Variants in CNTN3 observed in about 807,000 individuals in gnomAD.
The protein encoded by CNTN3 is contactin 3.
In CNTN3, 60 loss-of-function variants were observed where a neutral mutation model predicts 119.1. The observed-to-expected ratio is 0.50, with a 90% confidence interval of 0.41 to 0.62. The LOEUF (loss-of-function observed/expected upper bound fraction) is 0.62, where lower values mean the gene tolerates loss of function less well. Among genes scored for constraint, CNTN3 ranks in the 20% least tolerant of loss-of-function variants. The pLI is 0.00. For missense variants in CNTN3, 1,101 were observed against 1,242.4 expected, an observed-to-expected ratio of 0.89 and a Z score of 1.71; for synonymous variants, 450 against 438.7, an observed-to-expected ratio of 1.03 and a Z score of -0.32.
chr3:74,504,204 A>G (rs1461078013), intron 2 of CNTN3, among the ~76,000 whole-genome samples: 1 of 152,190 alleles, frequency 6.6e-6, no homozygotes. Flanking sequence ...TCATATCTAC[A>G]TGGAAAACAA....
At chr3:74,543,098 C>T (rs1703864381) in intron 1 of CNTN3, among the ~76,000 whole-genome samples, 2 of 151,912 alleles carry the variant, frequency 1.3e-5, no homozygotes, top group African/African-American at 4.8e-5. Flanking sequence ...CCACTGCACT[C>T]CACCCTGGGC....
chr3:74,366,259 G>A (rs991550071), intron 8 of CNTN3, among the ~76,000 whole-genome samples: 3 of 152,090 alleles, frequency 2.0e-5, no homozygotes, highest in African/African-American at 7.2e-5. Flanking sequence ...ATCAAAGCAG[G>A]AAAAGATGGA....
At chr3:74,581,389 A>G (rs1704503092) in intron 1 of CNTN3, among the ~76,000 whole-genome samples, 1 of 152,228 alleles carries the variant, frequency 6.6e-6, no homozygotes, top group African/African-American at 2.4e-5. Flanking sequence ...ATTAGCATAT[A>G]AAAACATCAC....
In CNTN3 at chr3:74,362,831, T is replaced by G. The variant is rs146881916; in HGVS notation, c.1214-791A>C. On this transcript the variant is annotated intron_variant, in intron 10 of 22. Coordinates refer to ENST00000263665, the MANE Select transcript of CNTN3 (RefSeq NM_020872.3). ...CAAATCCAAGTGAATACAATTTATT[T>G]ATTTGATTAGTGGAAATCTTAGAGT... Among the ~76,000 whole-genome samples the G allele has an allele frequency of 4.6e-3, 699 of 152,338 alleles. 2 individuals carry two copies. The highest frequency in any genetic ancestry group is 0.016 in the African/African-American group (682 of 41,582).
At chr3:74,495,190 C>G (rs916200663) in intron 3 of CNTN3, among the ~76,000 whole-genome samples, 1 of 151,990 alleles carries the variant, frequency 6.6e-6, no homozygotes, top group Admixed American at 6.6e-5. Context: ...ACACAGAGAT[C>G]TGGACTTATA....
chr3:74,495,638 ATT>A (rs1703048285), intron 3 of CNTN3, among the ~76,000 whole-genome samples: 1 of 152,018 alleles, frequency 6.6e-6, no homozygotes, highest in African/African-American at 2.4e-5. Flanking sequence ...TTAGCACATT[ATT>A]TTATTTTCCC....
intron 1 of CNTN3, among the ~76,000 whole-genome samples, chr3:74,606,952 C>T (rs1705002670): frequency 6.6e-6 from 1 of 152,042 alleles, no homozygotes; most frequent in Admixed American, 6.6e-5. Context: ...CTCCATATTA[C>T]ATATGAAGAA....
At chr3:74,333,525 G>A (rs1703318345) in intron 13 of CNTN3, among the ~76,000 whole-genome samples, 1 of 152,138 alleles carries the variant, frequency 6.6e-6, no homozygotes, top group Non-Finnish European at 1.5e-5. Context: ...GCTTCACATG[G>A]CATTCTCCTC....
chr3:74,605,578 C>T (rs940324700), intron 1 of CNTN3, among the ~76,000 whole-genome samples: 5 of 152,102 alleles, frequency 3.3e-5, no homozygotes, highest in Admixed American at 6.6e-5. Flanking sequence ...CGGAGCCATT[C>T]GAGTAACATA....
At chr3:74,576,540 A>G (rs1240807046) in intron 1 of CNTN3, among the ~76,000 whole-genome samples, 1 of 152,194 alleles carries the variant, frequency 6.6e-6, no homozygotes, top group East Asian at 1.9e-4. Context: ...TTGAAATTAC[A>G]TTAATCATTT....
chr3:74,371,930 T>C (rs1462960331), intron 5 of CNTN3, among the ~76,000 whole-genome samples: 3 of 152,092 alleles, frequency 2.0e-5, no homozygotes, highest in African/African-American at 4.8e-5. Context: ...ACTCCTGTTG[T>C]CTCTGTCCTG....
At chr3:74,552,474 T>C (rs1704006338) in intron 1 of CNTN3, among the ~76,000 whole-genome samples, 1 of 152,204 alleles carries the variant, frequency 6.6e-6, no homozygotes, top group African/African-American at 2.4e-5. Flanking sequence ...GTGACCTGTG[T>C]TTTGGATTGT....
chr3:74,489,390 T>C (rs991586490), intron 3 of CNTN3, among the ~76,000 whole-genome samples: 1 of 151,928 alleles, frequency 6.6e-6, no homozygotes, highest in African/African-American at 2.4e-5. Flanking sequence ...TAGAAAGCCC[T>C]TCCCTCCCTC....
intron 5 of CNTN3, among the ~76,000 whole-genome samples, chr3:74,409,259 T>G (rs923769030): frequency 1.3e-5 from 2 of 152,096 alleles, no homozygotes; most frequent in African/African-American, 4.8e-5. Flanking sequence ...ACACAACTGG[T>G]TACACAGATA....
In CNTN3 at chr3:74,440,019, T is replaced by A. The variant is rs192684840; in HGVS notation, c.359-15079A>T. 9.2e-5 allele frequency among the ~76,000 whole-genome samples: 14 copies of A among 152,322 alleles called. No individual in the cohort carries two copies. The East Asian group carries it at 1.5e-3, about 17-fold the overall frequency. On this transcript the variant is annotated intron_variant, in intron 4 of 22. Transcript: ENST00000263665. ...TTGATATAAAGACCCAAGGCAATGATAAATGAGACAAAGCTTTTAAAATGT... is the reference window on the plus strand; with the variant it reads ...TTGATATAAAGACCCAAGGCAATGAAAAATGAGACAAAGCTTTTAAAATGT...
At chr3:74,549,145 G>C (rs895629411) in intron 1 of CNTN3, among the ~76,000 whole-genome samples, 2 of 152,128 alleles carry the variant, frequency 1.3e-5, no homozygotes, top group African/African-American at 4.8e-5. Context: ...CATGGGGGTG[G>C]TTTCCAATGG....
Position 74,349,649 on chromosome 3 carries a change from A to G in CNTN3, c.1364+12241T>C, listed in dbSNP as rs150641458. On this transcript the variant is annotated intron_variant, in intron 11 of 22. Coordinates refer to ENST00000263665, the MANE Select transcript of CNTN3 (RefSeq NM_020872.3). ...GAAAGCTCCTTTTCCCCCATCTTAA[A>G]AATATTAGAAGAAAAAAATGCAAAA... is the stretch of plus-strand genomic sequence containing the variant. Among the ~76,000 whole-genome samples, 19 of 152,294 alleles carry G rather than the reference A, an allele frequency of 1.2e-4. No homozygotes were observed. The East Asian group carries it at 3.7e-3, about 29-fold the overall frequency.
chr3:74,417,852 A>G (rs184203133), intron 5 of CNTN3, among the ~76,000 whole-genome samples: 221 of 152,358 alleles, frequency 1.5e-3, no homozygotes, highest in Admixed American at 3.1e-3. Flanking sequence ...TAGTCACATC[A>G]GTATTGACAT....
At chr3:74,516,420 G>A (rs943720135) in intron 2 of CNTN3, among the ~76,000 whole-genome samples, 1 of 150,326 alleles carries the variant, frequency 6.7e-6, no homozygotes, top group African/African-American at 2.5e-5. Context: ...TCCACTTAAT[G>A]AATAGTAACT....
Sources: allele counts gnomAD v4.1 joint callset (sites outside exome capture counted in the v4.1 genomes callset), GRCh38; gene constraint gnomAD v4.1.1; transcripts MANE v1.5; gene names NCBI Gene and HGNC (gene_info 2026-07-23, HGNC 2026-07-21).